Variants in RGS12 observed in about 807,000 individuals in gnomAD.
RGS12 encodes the protein regulator of G protein signaling 12.
Under a neutral mutation model 120.1 loss-of-function variants are expected in RGS12, and 66 were observed. The ratio of observed to expected loss-of-function variants is 0.55; its 90% CI spans 0.45 to 0.67. The LOEUF is 0.67. Among genes scored for constraint, RGS12 ranks in the 30% least tolerant of loss-of-function variants. The pLI is 0.00. For missense variants in RGS12, 1,859 were observed against 1,957.7 expected, an observed-to-expected ratio of 0.95 and a Z score of 0.95; for synonymous variants, 827 against 804.7, an observed-to-expected ratio of 1.03 and a Z score of -0.47.
intron 4 of RGS12, among the ~76,000 whole-genome samples, chr4:3,391,097 G>A (rs142100750): frequency 4.6e-5 from 7 of 152,190 alleles, no homozygotes; most frequent in Admixed American, 2.0e-4. Context: ...TTTGTAATGC[G>A]CTATTGTGGG....
At chr4:3,286,243 G>T in the RGS12 span, among the ~76,000 whole-genome samples, 3 of 152,206 alleles carry the variant, frequency 2.0e-5, no homozygotes, top group Non-Finnish European at 4.4e-5. Flanking sequence ...CACCCTAAGG[G>T]CAGGTCTTCT....
chr4:3,439,839 A>G lies in RGS12; in HGVS notation c.*155A>G. ...ACCTCGCTGGAGGCACTGGCCCCGGACATTCGCCATGCTGGCCATGGGGCT... is the reference window on the plus strand; with the variant it reads ...ACCTCGCTGGAGGCACTGGCCCCGGGCATTCGCCATGCTGGCCATGGGGCT... On this transcript the variant is annotated 3_prime_UTR_variant, in exon 18 of 18. Coordinates refer to ENST00000336727, the MANE Select transcript of RGS12 (RefSeq NM_001394154.1). 1.5e-6 allele frequency: 1 copy of G among 670,826 alleles called. No homozygotes were observed. 41.6% of individuals were successfully genotyped at this position (670,826 alleles called of 1,614,324 possible). A position where few individuals can be genotyped will look rare whatever the true frequency, so the allele number is the denominator to read the frequency against.
intron 17 of RGS12, among the ~76,000 whole-genome samples, chr4:3,437,173 C>T (rs1452840058): frequency 6.6e-6 from 1 of 152,188 alleles, no homozygotes; most frequent in East Asian, 1.9e-4. Context: ...CTGGGGCTGG[C>T]TGCCCTGCAC....
chr4:3,337,128 C>A (rs1220920906), intron 2 of RGS12, among the ~76,000 whole-genome samples: 1 of 152,124 alleles, frequency 6.6e-6, no homozygotes, highest in Admixed American at 6.5e-5. Context: ...ATTAGGCCAG[C>A]GCCAACTAAA....
chr4:3,401,923 G>T (rs1172646626), intron 4 of RGS12, among the ~76,000 whole-genome samples: 1 of 152,238 alleles, frequency 6.6e-6, no homozygotes, highest in Non-Finnish European at 1.5e-5. Flanking sequence ...AAAGTCCAGG[G>T]CTTTGCAGAG....
At chr4:3,347,717 A>G (rs571480849) in intron 3 of RGS12, among the ~76,000 whole-genome samples, 21 of 152,206 alleles carry the variant, frequency 1.4e-4, no homozygotes, top group Middle Eastern at 3.2e-3. Flanking sequence ...CATGAATCTG[A>G]TTGCAAATGC....
chr4:3,428,357 T>C, intron 15 of RGS12, 188 bp downstream of exon 15: 1 of 785,154 alleles, frequency 1.3e-6, no homozygotes, highest in Non-Finnish European at 2.2e-6. Context: ...ACTGGCTTTC[T>C]TTTCTTCTGA....
rs767415572 is a variant in RGS12, at chr4:3,317,703, C to G, written c.1533C>G (p.Pro511=). ...HLGPASPVEV[P]PASLRSSVPP... ...GGCCAGCCTCTCCTGTGGAGGTGCC[C>G]CCAGCTTCCTTGAGGAGCTCAGTCC... Residue 511 remains proline (P), a synonymous_variant, in exon 2 of 18, where the codon CCC becomes CCG. Coordinates refer to ENST00000336727, the MANE Select transcript of RGS12 (RefSeq NM_001394154.1). The G allele has an allele frequency of 6.2e-7, 1 of 1,612,722 alleles. No individual in the cohort carries two copies. The highest frequency in any genetic ancestry group is 8.5e-7 in the Non-Finnish European group (1 of 1,179,456).
intron 6 of RGS12, 108 bp from the exon 7 acceptor site, chr4:3,415,870 G>C: frequency 8.6e-7 from 1 of 1,156,786 alleles, no homozygotes. Flanking sequence ...TATTTACTGG[G>C]GCCCGTGAGA....
chr4:3,415,882 C>T (rs1376727040), intron 6 of RGS12, 96 bp from the exon 7 acceptor site: 2 of 1,336,072 alleles, frequency 1.5e-6, no homozygotes, highest in African/African-American at 3.0e-5. Context: ...CCCGTGAGAA[C>T]ACATCTGTAG....
intron 8 of RGS12, 108 bp from the exon 9 acceptor site, chr4:3,417,280 C>T: frequency 1.5e-6 from 2 of 1,343,398 alleles, no homozygotes; most frequent in African/African-American, 1.5e-5. Flanking sequence ...GAAGTGATAC[C>T]ATCCCATAGA....
At chr4:3,368,982 G>A (rs1441486257) in intron 3 of RGS12, among the ~76,000 whole-genome samples, 7 of 151,978 alleles carry the variant, frequency 4.6e-5, no homozygotes, top group Non-Finnish European at 1.0e-4. Flanking sequence ...GGGCCCTGTC[G>A]AGGAACAGGG....
chr4:3,373,196 T>C (rs917375250), intron 3 of RGS12, among the ~76,000 whole-genome samples: 6 of 152,260 alleles, frequency 3.9e-5, no homozygotes, highest in Non-Finnish European at 8.8e-5. Context: ...GCAGTCACTC[T>C]GGCTGCAGCC....
intron 2 of RGS12, among the ~76,000 whole-genome samples, chr4:3,338,007 A>C (rs925883974): frequency 6.6e-6 from 1 of 152,128 alleles, no homozygotes; most frequent in Non-Finnish European, 1.5e-5. Context: ...GAGGCGTTGG[A>C]ATGGTTCTTA....
rs2109235448 is a variant in RGS12 at position 3,430,922 on chromosome 4, A to G, written c.4081A>G (p.Thr1361Ala). ...PNSTLLPPPS[T>A]PQEVPGPSRP... is the part of the protein sequence containing the mutation. ...CAGCACCTTGCTGCCGCCGCCCTCC[A>G]CCCCCCAGGAAGTGCCAGGACCTTC... Residue 1361 changes from threonine to alanine, a missense_variant, in exon 17 of 18, where the codon ACC becomes GCC. By Grantham distance (58) the Thr-to-Ala change is moderately conservative. Around this residue, in one of 3 missense-constraint regions of RGS12, gnomAD observed 517 missense variants for 488.5 expected, o/e 1.06. Transcript: ENST00000336727. 3 of 1,612,262 alleles carry G rather than the reference A, an allele frequency of 1.9e-6. No individual in the cohort carries two copies. In the East Asian group the frequency reaches 6.7e-5, roughly 36 times the overall value.
chr4:3,410,190 A>G (rs1328965163), intron 4 of RGS12, among the ~76,000 whole-genome samples: 3 of 152,256 alleles, frequency 2.0e-5, no homozygotes, highest in Non-Finnish European at 4.4e-5. Flanking sequence ...GGTTAGCAAC[A>G]CTGCTGCCTC....
intron 1 of RGS12, among the ~76,000 whole-genome samples, chr4:3,299,051 A>G (rs1723531435): frequency 2.0e-5 from 3 of 152,132 alleles, no homozygotes; most frequent in African/African-American, 7.2e-5. Flanking sequence ...GACATTGTAG[A>G]TGGTAACTGT....
In RGS12 at chr4:3,425,505, G is replaced by T. The variant is rs768767741; in HGVS notation, c.3276G>T (p.Ser1092=). The change falls in exon 14 of 18, where the codon TCG becomes TCT. Residue 1092 remains serine, a synonymous_variant. Transcript: ENST00000336727. The stretch of plus-strand genomic sequence containing the variant: ...CCCTGGACCTTGGCGCCCCTATATC[G>T]AGTCTGGACGGACAGCGGGTTGTCT... ...KEPLDLGAPI[S]SLDGQRVVLE... 1 of 1,612,084 alleles carries T rather than the reference G, an allele frequency of 6.2e-7. No homozygotes were observed. Among genetic ancestry groups the T allele is most frequent in the South Asian group, 1.1e-5 (1 of 90,950 alleles).
At position 3,430,705 on chromosome 4, in the gene RGS12, C is replaced by T. The variant is rs779932246; in HGVS notation, c.3864C>T (p.Thr1288=). Residue 1288 remains threonine (T), a synonymous_variant, in exon 17 of 18, where the codon ACC becomes ACT. Coordinates refer to ENST00000336727, the MANE Select transcript of RGS12 (RefSeq NM_001394154.1). ...ASSPPGPPGT[T]PPGQKSPSGP... ...GCCCCCCTGGACCTCCTGGGACGAC[C>T]CCCCCCGGGCAGAAGTCTCCCAGCG... The T allele has an allele frequency of 2.5e-6, 4 of 1,576,744 alleles. No homozygotes were observed. Among genetic ancestry groups the T allele is most frequent in the Middle Eastern group, 1.7e-4 (1 of 5,896 alleles).
Sources: gnomAD v4.1 joint callset for allele counts (sites outside exome capture counted in the v4.1 genomes callset) on GRCh38, gnomAD v4.1.1 for gene constraint, gnomAD v4.1.1 regional missense constraint, MANE v1.5 for transcripts, NCBI Gene and HGNC (gene_info 2026-07-23, HGNC 2026-07-21) for gene names.